SLC26A4: variants seen among roughly 807,000 people sequenced by gnomAD.
The protein encoded by SLC26A4 is pendrin.
SLC26A4 carries 93 observed loss-of-function variants against 90.4 expected under a neutral mutation model. The observed-to-expected ratio is 1.03, with a 90% CI of 0.87 to 1.22. SLC26A4 has a LOEUF of 1.22. SLC26A4 is among the 50% of genes most tolerant of loss of function. The probability of loss-of-function intolerance (pLI) is 0.00; values close to 1 mark genes in which losing one functional copy is unlikely to be tolerated. For synonymous variants in SLC26A4, 393 were observed against 354.6 expected (o/e 1.11, Z -1.22); for missense variants, 1,127 against 946.2 (o/e 1.19, Z -2.51).
At chr7:107,691,512 T>C (rs558628215) in intron 10 of SLC26A4, among the ~76,000 whole-genome samples, 3,270 of 110,398 alleles carry the variant, frequency 0.03, 68 homozygotes, top group East Asian at 0.084. Context: ...CAAATATATA[T>C]ATACACACAC....
chr7:107,710,272 C>T, intron 19 of SLC26A4, 73 bp downstream of exon 19: 1 of 1,101,860 alleles, frequency 9.1e-7, no homozygotes, highest in South Asian at 1.3e-5. Context: ...AAACATTACA[C>T]AAGTCTAGTC....
At chr7:107,715,234 C>A (rs1395169694) in intron 20 of SLC26A4, among the ~76,000 whole-genome samples, 189 bp from the exon 21 acceptor site, 4 of 144,952 alleles carry the variant, frequency 2.8e-5, no homozygotes, top group African/African-American at 1.1e-4. Flanking sequence ...GAGATTCAGT[C>A]TCCAAAAAAA....
chr7:107,686,357 ACCTTCCCTCCCTTTCCTCCCCTTCCTT>A (rs1791407337), intron 8 of SLC26A4, among the ~76,000 whole-genome samples: 2 of 83,866 alleles, frequency 2.4e-5, no homozygotes, highest in Non-Finnish European at 4.6e-5. Flanking sequence ...TCCCCTTCCT[ACCTTCCCTCCCTTTCCTCCCCTTCCTT>A]CCTTCCTTCC....
At chr7:107,681,313 C>T (rs10253447) in intron 6 of SLC26A4, among the ~76,000 whole-genome samples, 4,988 of 152,054 alleles carry the variant, frequency 0.033, 273 homozygotes, top group African/African-American at 0.11. Context: ...AGCTTCTCCC[C>T]CATTTCCTTA....
At chr7:107,690,646 C>T (rs76847638) in intron 10 of SLC26A4, among the ~76,000 whole-genome samples, 3,748 of 152,208 alleles carry the variant, frequency 0.025, 62 homozygotes, top group Middle Eastern at 0.044. Context: ...ATTCACATTT[C>T]CTTTAGAAGG....
Position 107,689,046 on chromosome 7 carries a change from T to C in SLC26A4, c.1002-7T>C. 1.9e-6 allele frequency: 3 copies of C among 1,613,794 alleles called. No individual in the cohort carries two copies. The highest frequency in any genetic ancestry group is 2.5e-6 in the Non-Finnish European group (3 of 1,179,732). Reference sequence around the variant, plus strand: ...TTCACAGCATTTTTCACTTAAAAACTCACTAGGTTTTTGCCTCCTGAACTT... The same window carrying C: ...TTCACAGCATTTTTCACTTAAAAACCCACTAGGTTTTTGCCTCCTGAACTT... On this transcript the variant is annotated splice_polypyrimidine_tract_variant and splice_region_variant and intron_variant, in intron 8 of 20. Coordinates refer to ENST00000644269, the MANE Select transcript of SLC26A4 (RefSeq NM_000441.2).
intron 4 of SLC26A4, among the ~76,000 whole-genome samples, chr7:107,672,888 G>A (rs1054191090): frequency 1.3e-5 from 2 of 152,168 alleles, no homozygotes; most frequent in Non-Finnish European, 2.9e-5. Context: ...GCTATTTTGT[G>A]ACTTTGACAT....
At chr7:107,677,629 AG>A (rs1791062441) in intron 6 of SLC26A4, among the ~76,000 whole-genome samples, 1 of 150,064 alleles carries the variant, frequency 6.7e-6, no homozygotes, top group African/African-American at 2.5e-5. Flanking sequence ...TTTTTGAGAC[AG>A]GGTCTTGCCC....
At chr7:107,692,963 A>G (rs1791617091) in intron 10 of SLC26A4, 1 of 152,206 alleles carries the variant, frequency 6.6e-6, no homozygotes, top group Non-Finnish European at 1.5e-5. Context: ...CTCTCCTGGC[A>G]TGAGTTTGGC....
intron 6 of SLC26A4, among the ~76,000 whole-genome samples, chr7:107,682,548 T>G (rs1467574594): frequency 6.6e-6 from 1 of 152,110 alleles, no homozygotes; most frequent in Non-Finnish European, 1.5e-5. Flanking sequence ...TATGAAGTAT[T>G]TTAGGATTTT....
At chr7:107,691,964 A>T in intron 10 of SLC26A4, 1 of 1,288,224 alleles carries the variant, frequency 7.8e-7, no homozygotes, top group South Asian at 1.2e-5. Flanking sequence ...CGGAGCACTG[A>T]CAAGCTCTCC....
intron 8 of SLC26A4, among the ~76,000 whole-genome samples, chr7:107,685,726 A>C (rs932257483): frequency 8.5e-5 from 13 of 152,298 alleles, no homozygotes; most frequent in Admixed American, 7.8e-4. Flanking sequence ...TTTCTTAACC[A>C]GCAGACACTA....
At chr7:107,677,019 C>A (rs1008670769) in intron 6 of SLC26A4, among the ~76,000 whole-genome samples, 1 of 151,932 alleles carries the variant, frequency 6.6e-6, no homozygotes, top group African/African-American at 2.4e-5. Context: ...ACTAATAATA[C>A]AAAAATAATT....
chr7:107,695,915 T>C lies in SLC26A4; in HGVS notation c.1438-18T>C. The C allele has an allele frequency of 7.8e-7, 1 of 1,285,822 alleles. No homozygotes were observed. The highest frequency in any genetic ancestry group is 1.1e-6 in the Non-Finnish European group (1 of 880,550). The allele number at this position is 1,285,822 out of a possible 1,614,324, so 79.7% of individuals were successfully genotyped here. On this transcript the variant is annotated intron_variant, in intron 12 of 20. Coordinates refer to ENST00000644269, the MANE Select transcript of SLC26A4 (RefSeq NM_000441.2). The stretch of plus-strand genomic sequence containing the variant: ...GATACATTAATATAATTCTTTTCAT[T>C]TCTATTTTTTTCCCTAGGTTATCTG...
In SLC26A4 at chr7:107,695,997, G is replaced by C; in HGVS notation, c.1502G>C (p.Gly501Ala). 6.2e-7 allele frequency: 1 copy of C among 1,612,540 alleles called. No individual in the cohort carries two copies. The highest frequency in any genetic ancestry group is 8.5e-7 in the Non-Finnish European group (1 of 1,178,800). The change falls in exon 13 of 21, where the codon GGC (glycine) becomes GCC (alanine). Residue 501 changes from glycine (G) to alanine (A), a missense_variant. Transcript: ENST00000644269. Reference protein sequence around the residue: ...ILGLDLGLLAGLIFGLLTVVL... With the variant: ...ILGLDLGLLAALIFGLLTVVL... ...GGGCTGGATCTCGGTTTACTAGCTG[G>C]CCTTATATTTGGACTGTTGACTGTG...
chr7:107,694,381 A>G (rs372292403), intron 10 of SLC26A4, 22 bp from the exon 11 acceptor site: 16 of 1,596,688 alleles, frequency 1.0e-5, no homozygotes, highest in Admixed American at 3.3e-5. Flanking sequence ...AATCCTTTTC[A>G]TAGGAGGTGT....
At chr7:107,689,238 TG>T (rs1216020764) in intron 9 of SLC26A4, 38 bp downstream of exon 9, 6 of 1,607,350 alleles carry the variant, frequency 3.7e-6, no homozygotes, top group Non-Finnish European at 5.1e-6. Context: ...TTTATAGGGC[TG>T]GAAACAGGAA....
At chr7:107,674,101 T>C (rs1053131646) in intron 4 of SLC26A4, 63 bp from the exon 5 acceptor site, 6 of 1,458,708 alleles carry the variant, frequency 4.1e-6, no homozygotes, top group African/African-American at 1.4e-5. Flanking sequence ...TTAAACCCTA[T>C]GCAGACACAT....
intron 12 of SLC26A4, 120 bp downstream of exon 12, chr7:107,694,836 A>G (rs1791693369): frequency 2.7e-6 from 2 of 742,390 alleles, no homozygotes; most frequent in South Asian, 2.9e-5. Context: ...ACTCCAGAGG[A>G]GAAATTAGAA....
Sources: allele counts gnomAD v4.1 joint callset (sites outside exome capture counted in the v4.1 genomes callset), GRCh38; gene constraint gnomAD v4.1.1; transcripts MANE v1.5; gene names NCBI Gene and HGNC (gene_info 2026-07-23, HGNC 2026-07-21).